The following DIPK1A variants were observed in gnomAD, a reference collection of about 807,000 sequenced individuals.
DIPK1A encodes the protein divergent protein kinase domain 1A, also known as family with sequence similarity 69 member A.
Under a neutral mutation model 40.8 loss-of-function variants are expected in DIPK1A, and 27 were observed. The ratio of observed to expected loss-of-function variants is 0.66; its 90% confidence interval spans 0.49 to 0.91. DIPK1A has a LOEUF of 0.91. DIPK1A is among the 40% of genes least tolerant of loss of function. The probability of loss-of-function intolerance (pLI) is 0.00; values close to 1 mark genes in which losing one functional copy is unlikely to be tolerated. For synonymous variants in DIPK1A, 166 were observed against 171.3 expected (o/e 0.97, Z 0.24); for missense variants, 412 against 505.7 (o/e 0.81, Z 1.78).
intron 1 of DIPK1A, among the ~76,000 whole-genome samples, chr1:92,894,484 T>G (rs1381624812): frequency 6.6e-6 from 1 of 152,026 alleles, no homozygotes; most frequent in African/African-American, 2.4e-5. Context: ...TACCAGAATC[T>G]CTGGAACACA....
chr1:92,946,779 T>TA (rs1450308123), intron 1 of DIPK1A, among the ~76,000 whole-genome samples: 3 of 151,752 alleles, frequency 2.0e-5, no homozygotes, highest in African/African-American at 7.3e-5. Context: ...CCTGCCTCTA[T>TA]AAAAAAATAC....
At chr1:92,833,521 T>G in intron 4 of DIPK1A, 1 of 1,612,242 alleles carries the variant, frequency 6.2e-7, no homozygotes, top group Non-Finnish European at 8.5e-7. Flanking sequence ...GAGTATCCTT[T>G]CTACAATTAT....
At chr1:92,909,798 T>C in intron 1 of DIPK1A, among the ~76,000 whole-genome samples, 1 of 152,202 alleles carries the variant, frequency 6.6e-6, no homozygotes, top group East Asian at 1.9e-4. Flanking sequence ...TTTAAGTAAC[T>C]TGACTACCAG....
intron 2 of DIPK1A, among the ~76,000 whole-genome samples, chr1:92,870,075 T>TACACACAC (rs3221733): frequency 8.0e-4 from 53 of 66,450 alleles, no homozygotes; most frequent in African/African-American, 1.8e-3. Context: ...GAATTATATA[T>TACACACAC]ACACACACAC....
intron 1 of DIPK1A, among the ~76,000 whole-genome samples, chr1:92,945,312 A>G (rs553678091): frequency 6.6e-6 from 1 of 152,340 alleles, no homozygotes; most frequent in African/African-American, 2.4e-5. Context: ...GAAGGAAAAA[A>G]GACAAATAGC....
At chr1:92,875,292 TG>T (rs1427583427) in intron 2 of DIPK1A, among the ~76,000 whole-genome samples, 4 of 152,162 alleles carry the variant, frequency 2.6e-5, no homozygotes, top group African/African-American at 4.8e-5. Context: ...CATACACCAC[TG>T]GCCTGGGTAA....
At chr1:92,840,497 T>A (rs1687312045), downstream of DIPK1A, 1 of 1,284,920 alleles carries the variant, frequency 7.8e-7, no homozygotes, top group Admixed American at 1.7e-5. Flanking sequence ...GTTGCATTAA[T>A]ATAGTAGGGC....
At chr1:92,840,743 C>T (rs183472088), downstream of DIPK1A, 865 of 856,912 alleles carry the variant, frequency 1.0e-3, 6 homozygotes, top group Non-Finnish European at 4.3e-4. Flanking sequence ...ACTAGCTCTG[C>T]GTGATGTGGC....
intron 1 of DIPK1A, among the ~76,000 whole-genome samples, chr1:92,917,306 T>C (rs1650090555): frequency 6.6e-6 from 1 of 152,220 alleles, no homozygotes; most frequent in African/African-American, 2.4e-5. Flanking sequence ...TCTCAGGTCA[T>C]ACAGTATCAA....
chr1:92,930,956 C>T (rs1650723906), intron 1 of DIPK1A: 1 of 152,160 alleles, frequency 6.6e-6, no homozygotes, highest in Non-Finnish European at 1.5e-5. Context: ...TGTTGACTTA[C>T]TTTTCCCACT....
chr1:92,833,357 CA>C (rs772661926), intron 4 of DIPK1A: 1 of 1,549,654 alleles, frequency 6.5e-7, no homozygotes, highest in South Asian at 1.1e-5. Flanking sequence ...GCTAAGACAT[CA>C]AAGTTTTAAT....
At chr1:92,836,244 G>A in intron 4 of DIPK1A, 10 of 1,613,522 alleles carry the variant, frequency 6.2e-6, no homozygotes, top group African/African-American at 1.3e-5. Flanking sequence ...GGAGGTGACT[G>A]GTGATGAATA....
intron 1 of DIPK1A, among the ~76,000 whole-genome samples, chr1:92,908,237 G>T (rs979512766): frequency 3.3e-5 from 5 of 152,118 alleles, no homozygotes; most frequent in African/African-American, 9.7e-5. Flanking sequence ...GAATCACAGG[G>T]AAAGTAACAA....
chr1:92,847,167 G>C lies in DIPK1A; in HGVS notation c.474+16C>G, dbSNP rs1337005836. On this transcript the variant is annotated intron_variant, in intron 4 of 4. Transcript: ENST00000370310. Reference sequence around the variant, plus strand: ...GTCCCACTTCACACTAGCAACATATGAATGGGTATGCTTACCTTAAAGAGA... The same window carrying C: ...GTCCCACTTCACACTAGCAACATATCAATGGGTATGCTTACCTTAAAGAGA... 1 of 1,484,926 alleles carries C rather than the reference G, an allele frequency of 6.7e-7. No homozygotes were observed. The highest frequency in any genetic ancestry group is 9.0e-7 in the Non-Finnish European group (1 of 1,108,900). 92.0% of individuals were successfully genotyped at this position (1,484,926 alleles called of 1,614,324 possible).
At chr1:92,833,001 T>A (rs749996738) in exon 5 of DIPK1A, 10 of 738,230 alleles carry the variant, frequency 1.4e-5, no homozygotes, top group Non-Finnish European at 2.2e-5. Context: ...GAGCAGTGCT[T>A]CGCAAAAGTT....
intron 1 of DIPK1A, among the ~76,000 whole-genome samples, chr1:92,949,540 G>A (rs1167716390): frequency 6.6e-6 from 1 of 152,142 alleles, no homozygotes; most frequent in African/African-American, 2.4e-5. Context: ...GCCTCCCAAA[G>A]TGCTAGGATT....
chr1:92,959,902 A>ATTTTTTTTT (rs1557502636), intron 1 of DIPK1A, among the ~76,000 whole-genome samples: 499 of 43,056 alleles, frequency 0.012, 21 homozygotes, highest in Non-Finnish European at 0.014. Context: ...CACCCAACCA[A>ATTTTTTTTT]CTTTTTTTTT....
chr1:92,836,957 T>C (rs747340505), intron 4 of DIPK1A: 1 of 233,762 alleles, frequency 4.3e-6, no homozygotes. Flanking sequence ...TAGCATTTGG[T>C]GATTTAACCA....
intron 1 of DIPK1A, among the ~76,000 whole-genome samples, chr1:92,955,695 CT>C (rs1651824280): frequency 8.7e-6 from 1 of 115,202 alleles, no homozygotes. Context: ...GAGACTCTGT[CT>C]CAAAAAAAAA....
Sources: allele counts gnomAD v4.1 joint callset (sites outside exome capture counted in the v4.1 genomes callset), GRCh38; gene constraint gnomAD v4.1.1; transcripts MANE v1.5; gene names NCBI Gene and HGNC (gene_info 2026-07-23, HGNC 2026-07-21).